The following ENTPD5 variants were observed in gnomAD, a reference collection of about 807,000 sequenced individuals.
ENTPD5 encodes nucleoside diphosphate phosphatase ENTPD5.
A neutral mutation model predicts 60.2 loss-of-function variants in ENTPD5; 49 were observed. The observed-to-expected ratio is 0.81, with a 90% CI of 0.65 to 1.03. The LOEUF is 1.03. Among genes scored for constraint, ENTPD5 ranks in the 50% least tolerant of loss-of-function variants. ENTPD5 has a pLI of 0.00. For missense variants in ENTPD5, 480 were observed against 507.6 expected, an observed-to-expected ratio of 0.95 and a Z score of 0.52; for synonymous variants, 187 against 185.4, an observed-to-expected ratio of 1.01 and a Z score of -0.07.
intron 1 of ENTPD5, among the ~76,000 whole-genome samples, chr14:74,017,545 T>C (rs1307730786): frequency 2.7e-5 from 4 of 148,054 alleles, no homozygotes; most frequent in Non-Finnish European, 5.9e-5. Flanking sequence ...GCCATTGCAC[T>C]CCAGCCTGGG....
chr14:73,968,022 G>T (rs938158578), intron 15 of ENTPD5, among the ~76,000 whole-genome samples: 1 of 152,036 alleles, frequency 6.6e-6, no homozygotes, highest in African/African-American at 2.4e-5. Flanking sequence ...TACTTCGGAG[G>T]CTGAGGCAGG....
rs201751093 is a variant in ENTPD5, at chr14:73,977,387, G to GAA, written c.442-15_442-14dup. 18,290 of 1,145,244 alleles carry GAA rather than the reference G, an allele frequency of 0.016. No individual in the cohort carries two copies. The highest frequency in any genetic ancestry group is 0.019 in the Non-Finnish European group (15,556 of 817,156). The allele number at this position is 1,145,244 out of a possible 1,614,324, so 70.9% of individuals were successfully genotyped here. On this transcript the variant is annotated splice_polypyrimidine_tract_variant and intron_variant, in intron 6 of 15. Coordinates refer to ENST00000334696, the MANE Select transcript of ENTPD5 (RefSeq NM_001249.5). ...AGATCTCCTTTACCTAGAGAAAAAG[G>GAA]AAAAAAAAAAAAAAAGAATTCCCTA...
intron 3 of ENTPD5, among the ~76,000 whole-genome samples, chr14:74,005,997 G>GT (rs1011927001): frequency 2.7e-5 from 4 of 150,706 alleles, no homozygotes; most frequent in African/African-American, 7.4e-5. Context: ...ATACCTTTTT[G>GT]TTTTTTTTGA....
At chr14:73,958,883 C>T, downstream of ENTPD5, 2 of 1,571,768 alleles carry the variant, frequency 1.3e-6, no homozygotes, top group South Asian at 1.2e-5. Flanking sequence ...ACAATCAGAG[C>T]TGGAGGAAAC....
At chr14:73,973,190 G>A (rs562388096) in intron 12 of ENTPD5, among the ~76,000 whole-genome samples, 166 bp from the exon 13 acceptor site, 3 of 152,302 alleles carry the variant, frequency 2.0e-5, no homozygotes, top group South Asian at 2.1e-4. Flanking sequence ...ATGAGCAAAC[G>A]TCTGCAGCCT....
chr14:73,958,430 A>C (rs934237204), downstream of ENTPD5: 20 of 1,504,654 alleles, frequency 1.3e-5, no homozygotes, highest in Non-Finnish European at 1.2e-5. Context: ...GCTCAAGTGG[A>C]GATGGTCTCA....
At chr14:74,010,653 A>C (rs1275533558) in intron 3 of ENTPD5, among the ~76,000 whole-genome samples, 2 of 152,096 alleles carry the variant, frequency 1.3e-5, no homozygotes, top group East Asian at 1.9e-4. Flanking sequence ...TATGATTATC[A>C]GTTATATTTT....
Position 73,970,090 on chromosome 14 carries a change from G to T in ENTPD5, c.1120C>A (p.Pro374Thr). Residue 374 changes from proline to threonine, a missense_variant, in exon 15 of 16, where the codon CCT becomes ACT. Coordinates refer to ENST00000334696, the MANE Select transcript of ENTPD5 (RefSeq NM_001249.5). ...TAGCTGAGATCCATGCACAGGAAAGGACTGCCTGAGGTGAAGTTTTCCAAG... is the reference window on the plus strand; with the variant it reads ...TAGCTGAGATCCATGCACAGGAAAGTACTGCCTGAGGTGAAGTTTTCCAAG... ...DNLENFTSGS[P>T]FLCMDLSYIT... 1 of 1,613,932 alleles carries T rather than the reference G, an allele frequency of 6.2e-7. No individual in the cohort carries two copies. The highest frequency in any genetic ancestry group is 1.1e-5 in the South Asian group (1 of 91,078).
At chr14:73,976,226 G>A (rs1003290900) in intron 9 of ENTPD5, 98 bp downstream of exon 9, 32 of 1,058,798 alleles carry the variant, frequency 3.0e-5, no homozygotes, top group South Asian at 1.5e-4. Context: ...CTGCCTAAGC[G>A]TGGTAGAGCT....
chr14:73,968,972 T>C (rs557820551), intron 15 of ENTPD5, among the ~76,000 whole-genome samples: 45 of 152,236 alleles, frequency 3.0e-4, no homozygotes, highest in Non-Finnish European at 5.6e-4. Context: ...GAGGCACACA[T>C]GAAATATATA....
At chr14:73,977,909 G>A (rs2057510742) in intron 6 of ENTPD5, among the ~76,000 whole-genome samples, 1 of 152,162 alleles carries the variant, frequency 6.6e-6, no homozygotes, top group Non-Finnish European at 1.5e-5. Context: ...CCTGTTTCAG[G>A]AGATGGGAAT....
chr14:73,988,510 T>C (rs2057999954), intron 3 of ENTPD5, among the ~76,000 whole-genome samples: 1 of 151,932 alleles, frequency 6.6e-6, no homozygotes, highest in Non-Finnish European at 1.5e-5. Context: ...ACATTTATCA[T>C]TGTTTGTGTT....
chr14:74,001,910 C>T (rs4903168), intron 3 of ENTPD5, among the ~76,000 whole-genome samples: 94,768 of 151,752 alleles, frequency 0.62, 30,433 homozygotes, highest in Non-Finnish European at 0.67. Flanking sequence ...ATTTGAGAAA[C>T]AAAAAGTAGA....
At chr14:73,981,494 GTA>G (rs140409853) in intron 6 of ENTPD5, among the ~76,000 whole-genome samples, 12 of 147,290 alleles carry the variant, frequency 8.1e-5, no homozygotes, top group Non-Finnish European at 7.5e-5. Flanking sequence ...AAAAAAAAAT[GTA>G]TATATATATA....
rs1048002662 is a variant in ENTPD5 at position 73,964,910 on chromosome 14, G to A, written c.*2018C>T. 3 of 152,310 alleles carry A rather than the reference G, an allele frequency of 2.0e-5. No homozygotes were observed. The South Asian group carries it at 6.2e-4, about 32-fold the overall frequency. The allele number at this position is 152,310 out of a possible 1,614,324, so 9.4% of individuals were successfully genotyped here. A position where few individuals can be genotyped will look rare whatever the true frequency, so the allele number is the denominator to read the frequency against. Reference sequence around the variant, plus strand: ...CAAATGGAATAAGCTGTTTGAACATGGCTTAGCAGAAGCTGAATGACAACC... The same window carrying A: ...CAAATGGAATAAGCTGTTTGAACATAGCTTAGCAGAAGCTGAATGACAACC... On this transcript the variant is annotated 3_prime_UTR_variant, in exon 16 of 16. Coordinates refer to ENST00000334696, the MANE Select transcript of ENTPD5 (RefSeq NM_001249.5).
chr14:74,015,167 C>G (rs1401099600), intron 2 of ENTPD5, among the ~76,000 whole-genome samples: 2 of 151,644 alleles, frequency 1.3e-5, no homozygotes, highest in African/African-American at 4.8e-5. Flanking sequence ...TATGTAGAAA[C>G]AAAATCTAAA....
downstream of ENTPD5, chr14:73,958,935 G>T: frequency 6.2e-7 from 1 of 1,612,370 alleles, no homozygotes; most frequent in Non-Finnish European, 8.5e-7. Context: ...TTTATGAAGA[G>T]GCTGGAAGAC....
intron 2 of ENTPD5, among the ~76,000 whole-genome samples, chr14:74,012,947 G>A (rs1215728165): frequency 6.6e-6 from 1 of 152,204 alleles, no homozygotes. Context: ...CTCCCTGTCT[G>A]ACATTCTAAG....
chr14:73,988,309 T>C, intron 3 of ENTPD5, 137 bp from the exon 4 acceptor site: 1 of 740,612 alleles, frequency 1.4e-6, no homozygotes, highest in Non-Finnish European at 2.0e-6. Flanking sequence ...ACCAGGGTGA[T>C]GTGGGCTCTT....
Sources: gnomAD v4.1 joint callset for allele counts (sites outside exome capture counted in the v4.1 genomes callset) on GRCh38, gnomAD v4.1.1 for gene constraint, MANE v1.5 for transcripts, NCBI Gene and HGNC (gene_info 2026-07-23, HGNC 2026-07-21) for gene names.